STK39: variants seen among roughly 807,000 people sequenced by gnomAD.
STK39 encodes STE20/SPS1-related proline-alanine-rich protein kinase.
Under a neutral mutation model 77.8 loss-of-function variants are expected in STK39, and 20 were observed. The observed-to-expected ratio is 0.26, with a 90% confidence interval of 0.18 to 0.37. The LOEUF (loss-of-function observed/expected upper bound fraction) is 0.37, where lower values mean the gene tolerates loss of function less well. Ranked by LOEUF, STK39 falls within the 10% of genes least tolerant of loss-of-function variation. The pLI is 1.00. For synonymous variants in STK39, 246 were observed against 234.1 expected, an observed-to-expected ratio of 1.05 and a Z score of -0.47; for missense variants, 479 against 656.5, an observed-to-expected ratio of 0.73 and a Z score of 2.95.
chr2:168,078,442 G>A (rs188227305), intron 10 of STK39, among the ~76,000 whole-genome samples: 1 of 152,252 alleles, frequency 6.6e-6, no homozygotes, highest in African/African-American at 2.4e-5. Flanking sequence ...ACAGTCCCTA[G>A]AGCGGTCTGA....
chr2:168,038,984 T>G (rs911633207), intron 14 of STK39, among the ~76,000 whole-genome samples: 28 of 152,132 alleles, frequency 1.8e-4, no homozygotes, highest in African/African-American at 6.5e-4. Flanking sequence ...CAAAACTCCT[T>G]AAAAAGTTAA....
intron 12 of STK39, among the ~76,000 whole-genome samples, chr2:168,073,228 G>A (rs1306726857): frequency 6.6e-5 from 10 of 152,140 alleles, no homozygotes; most frequent in Non-Finnish European, 1.5e-4. Context: ...AGCTATCAGA[G>A]CAATTTCAAC....
chr2:168,150,248 G>A (rs1021447576), intron 5 of STK39, among the ~76,000 whole-genome samples: 4 of 152,206 alleles, frequency 2.6e-5, no homozygotes, highest in African/African-American at 9.6e-5. Flanking sequence ...TGGCAGTCGA[G>A]GAAGCGTAGC....
At chr2:167,993,096 G>A (rs985417452) in intron 16 of STK39, among the ~76,000 whole-genome samples, 5 of 152,200 alleles carry the variant, frequency 3.3e-5, no homozygotes, top group Non-Finnish European at 7.3e-5. Context: ...TAAAAGCAAC[G>A]TAATAAGTTT....
intron 12 of STK39, among the ~76,000 whole-genome samples, chr2:168,073,651 T>G (rs1178546417): frequency 6.6e-6 from 1 of 152,080 alleles, no homozygotes; most frequent in Non-Finnish European, 1.5e-5. Flanking sequence ...TTTTCTGAGG[T>G]GCAGTCTGGC....
intron 16 of STK39, among the ~76,000 whole-genome samples, chr2:168,005,068 C>T (rs1318529928): frequency 2.9e-5 from 4 of 140,256 alleles, no homozygotes; most frequent in African/African-American, 8.0e-5. Flanking sequence ...TGCAGCGGCG[C>T]GATCTCAGCT....
At chr2:168,102,955 A>AT (rs1262946649) in intron 10 of STK39, among the ~76,000 whole-genome samples, 4 of 148,872 alleles carry the variant, frequency 2.7e-5, no homozygotes, top group Admixed American at 1.3e-4. Flanking sequence ...AAAAAAAAAA[A>AT]ATCTCTTCTC....
At chr2:168,138,766 G>T (rs1559115535) in intron 7 of STK39, among the ~76,000 whole-genome samples, 1 of 152,164 alleles carries the variant, frequency 6.6e-6, no homozygotes, top group African/African-American at 2.4e-5. Context: ...GAGAGAGCAG[G>T]ACACTGAAGG....
chr2:167,964,611 G>A (rs1692095347), intron 17 of STK39, 51 bp downstream of exon 17: 3 of 1,465,454 alleles, frequency 2.0e-6, no homozygotes, highest in East Asian at 2.3e-5. Flanking sequence ...ATTCCCTGCT[G>A]GCACAGCATG....
At chr2:168,218,916 A>C (rs1315676833) in intron 1 of STK39, among the ~76,000 whole-genome samples, 1 of 152,138 alleles carries the variant, frequency 6.6e-6, no homozygotes, top group Non-Finnish European at 1.5e-5. Flanking sequence ...AAAACTCAGG[A>C]CAGGCATGCT....
chr2:167,978,486 G>A (rs1683337230), intron 16 of STK39, among the ~76,000 whole-genome samples: 1 of 152,068 alleles, frequency 6.6e-6, no homozygotes. Context: ...TGGTTTCATG[G>A]CATTTACTGG....
intron 14 of STK39, among the ~76,000 whole-genome samples, chr2:168,022,577 T>C (rs954608547): frequency 5.9e-5 from 9 of 152,252 alleles, no homozygotes; most frequent in African/African-American, 2.2e-4. Flanking sequence ...TTTGAAATTT[T>C]ATATGACATT....
chr2:168,064,827 A>G (rs1685753171), intron 13 of STK39, among the ~76,000 whole-genome samples: 3 of 152,152 alleles, frequency 2.0e-5, no homozygotes, highest in Admixed American at 2.0e-4. Flanking sequence ...ACCTCCCACC[A>G]TGGCTCACAG....
At chr2:168,024,424 T>C (rs774758654) in intron 14 of STK39, among the ~76,000 whole-genome samples, 2 of 152,184 alleles carry the variant, frequency 1.3e-5, no homozygotes, top group Non-Finnish European at 2.9e-5. Context: ...TGTGACTGTG[T>C]TGGGAGGTAG....
At chr2:168,143,783 G>A (rs2166963) in intron 5 of STK39, among the ~76,000 whole-genome samples, 33,342 of 151,652 alleles carry the variant, frequency 0.22, 4,807 homozygotes, top group East Asian at 0.43. Flanking sequence ...AGCATAACAC[G>A]TAAACCTATA....
chr2:168,247,294 C>T lies in STK39; in HGVS notation c.142G>A (p.Ala48Thr), dbSNP rs906192180. Residue 48 changes from alanine (A) to threonine (T), a missense_variant, in exon 1 of 18, where the codon GCC (alanine) becomes ACC (threonine). Transcript: ENST00000355999. ...CAGCCGACAGCCTGTGCCGCCGGGG[C>T]CGGGGCCGGGGCCGGGGCCGCGGGA... ...AAPAAPAPAPAPAAQAVGWPI... is the reference protein window; with the variant it reads ...AAPAAPAPAPTPAAQAVGWPI... 1.9e-6 allele frequency: 2 copies of T among 1,029,986 alleles called. No homozygotes were observed. The highest frequency in any genetic ancestry group is 1.2e-6 in the Non-Finnish European group (1 of 856,468). The allele number at this position is 1,029,986 out of a possible 1,614,324, so 63.8% of individuals were successfully genotyped here. A position where few individuals can be genotyped will look rare whatever the true frequency, so the allele number is the denominator to read the frequency against.
rs74316231 is a variant in STK39 at position 168,076,825 on chromosome 2, A to G, written c.1090-1594T>C. 3.4e-3 allele frequency among the ~76,000 whole-genome samples: 521 copies of G among 152,248 alleles called. 27 individuals are homozygous for G. The East Asian group carries it at 0.085, about 25-fold the overall frequency. ...TCCGCTTGCATTTTGAGTTGCTCTA[A>G]AAGTCTTTTCTAATGACGGTGATTT... is the stretch of plus-strand genomic sequence containing the variant. On this transcript the variant is annotated intron_variant, in intron 10 of 17. Coordinates refer to ENST00000355999, the MANE Select transcript of STK39 (RefSeq NM_013233.3).
intron 10 of STK39, among the ~76,000 whole-genome samples, chr2:168,092,575 T>C (rs754600561): frequency 6.6e-6 from 1 of 152,010 alleles, no homozygotes; most frequent in Non-Finnish European, 1.5e-5. Flanking sequence ...AAAGATAAAA[T>C]ACCGTTTAAA....
rs183260061 is a variant in STK39, at chr2:168,128,912, G to C, written c.1089+629C>G. Among the ~76,000 whole-genome samples the C allele has an allele frequency of 1.3e-3, 192 of 151,952 alleles. 1 individual carries two copies. Among genetic ancestry groups the C allele is most frequent in the Middle Eastern group, 6.8e-3 (2 of 294 alleles). ...AAAACCAAACTAAACCAAACCAGAG[G>C]TTAAATTGTATTAGGTTTCATACCA... On this transcript the variant is annotated intron_variant, in intron 10 of 17. Coordinates refer to ENST00000355999, the MANE Select transcript of STK39 (RefSeq NM_013233.3).
Sources: allele counts gnomAD v4.1 joint callset (sites outside exome capture counted in the v4.1 genomes callset), GRCh38; gene constraint gnomAD v4.1.1; transcripts MANE v1.5; gene names NCBI Gene and HGNC (gene_info 2026-07-23, HGNC 2026-07-21).